Variants in BCKDHB observed in about 807,000 individuals in gnomAD.
The protein encoded by BCKDHB is branched chain keto acid dehydrogenase E1 subunit beta, also known as 2-oxoisovalerate dehydrogenase subunit beta, mitochondrial.
Under a neutral mutation model 48.5 loss-of-function variants are expected in BCKDHB, and 41 were observed. The observed-to-expected ratio is 0.85, with a 90% confidence interval of 0.66 to 1.10. The LOEUF (loss-of-function observed/expected upper bound fraction) is 1.10. Among genes scored for constraint, BCKDHB ranks in the 50% least tolerant of loss-of-function variants. The probability of loss-of-function intolerance (pLI) is 0.00; values close to 1 mark genes in which losing one functional copy is unlikely to be tolerated. For missense variants in BCKDHB, 496 were observed against 494.2 expected (o/e 1.00, Z -0.03); for synonymous variants, 201 against 174.8 (o/e 1.15, Z -1.18).
chr6:80,210,814 C>T (rs1044262055), intron 8 of BCKDHB, among the ~76,000 whole-genome samples: 3 of 152,106 alleles, frequency 2.0e-5, no homozygotes, highest in Non-Finnish European at 2.9e-5. Context: ...TAGGGCTGTT[C>T]TCTCTCAAGC....
intron 8 of BCKDHB, among the ~76,000 whole-genome samples, chr6:80,252,366 CA>C (rs1286008434): frequency 4.6e-5 from 7 of 152,126 alleles, no homozygotes; most frequent in African/African-American, 1.7e-4. Context: ...TCATTTTCAA[CA>C]TTAGCATTTA....
At chr6:80,419,451 G>A in the BCKDHB span, among the ~76,000 whole-genome samples, 1 of 152,136 alleles carries the variant, frequency 6.6e-6, no homozygotes, top group Non-Finnish European at 1.5e-5. Flanking sequence ...TCTCTCATGG[G>A]CAAGGCCACC....
intron 9 of BCKDHB, among the ~76,000 whole-genome samples, chr6:80,315,900 ATAAG>A (rs1471743282): frequency 6.6e-6 from 1 of 152,232 alleles, no homozygotes; most frequent in African/African-American, 2.4e-5. Flanking sequence ...TAAGCACAGA[ATAAG>A]TAACCAATTC....
At chr6:80,136,130 T>C (rs1273975438) in intron 3 of BCKDHB, among the ~76,000 whole-genome samples, 2 of 152,208 alleles carry the variant, frequency 1.3e-5, no homozygotes, top group African/African-American at 4.8e-5. Context: ...CTATAAATAC[T>C]GATGTGCAAA....
chr6:80,169,108 A>G, intron 5 of BCKDHB, 78 bp downstream of exon 5: 3 of 1,535,404 alleles, frequency 2.0e-6, no homozygotes, highest in South Asian at 1.1e-5. Context: ...ATCTATGCTT[A>G]TCTAGAGGAA....
At chr6:80,402,843 C>T in the BCKDHB span, among the ~76,000 whole-genome samples, 1 of 151,722 alleles carries the variant, frequency 6.6e-6, no homozygotes. Context: ...TTTCTCAGCA[C>T]CATTTACTGA....
At chr6:80,140,356 G>A (rs1444347821) in intron 3 of BCKDHB, among the ~76,000 whole-genome samples, 2 of 152,208 alleles carry the variant, frequency 1.3e-5, no homozygotes, top group African/African-American at 4.8e-5. Flanking sequence ...CAGGAGTGGT[G>A]AGAGAGGACA....
rs765181466 is a variant in BCKDHB, at chr6:80,334,894, A to G, written c.1039-8770A>G. On this transcript the variant is annotated intron_variant, in intron 9 of 9. Coordinates refer to ENST00000320393, the MANE Select transcript of BCKDHB (RefSeq NM_183050.4). ...ATTTCAGTCATCATTTTTTATATGT[A>G]TATATATATACTTTTTATTTTGTCT... 2.0e-5 allele frequency among the ~76,000 whole-genome samples: 3 copies of G among 151,770 alleles called. No individual in the cohort carries two copies. In the East Asian group the frequency reaches 5.8e-4, roughly 29 times the overall value.
At chr6:80,357,555 G>C in the BCKDHB span, among the ~76,000 whole-genome samples, 5 of 152,142 alleles carry the variant, frequency 3.3e-5, no homozygotes, top group Non-Finnish European at 7.4e-5. Flanking sequence ...AGAATAACCA[G>C]TACACAGCAC....
chr6:80,162,823 C>A (rs1562098728), intron 3 of BCKDHB, among the ~76,000 whole-genome samples: 1 of 152,130 alleles, frequency 6.6e-6, no homozygotes, highest in Non-Finnish European at 1.5e-5. Flanking sequence ...TGCATTCCAG[C>A]CGGGTGACAG....
At position 80,167,944 on chromosome 6, in the gene BCKDHB, T is replaced by A. The variant is rs923918870; in HGVS notation, c.477+133T>A. ...TACTAATGTATTACAATTATAATTT[T>A]GTTATGAGCATATATTTAAAGATCT... On this transcript the variant is annotated intron_variant, in intron 4 of 9. Coordinates refer to ENST00000320393, the MANE Select transcript of BCKDHB (RefSeq NM_183050.4). The A allele has an allele frequency of 6.9e-6, 7 of 1,008,912 alleles. No homozygotes were observed. The South Asian group carries it at 1.0e-4, about 15-fold the overall frequency. 62.5% of individuals were successfully genotyped at this position (1,008,912 alleles called of 1,614,324 possible). A position where few individuals can be genotyped will look rare whatever the true frequency, so the allele number is the denominator to read the frequency against.
chr6:80,307,308 C>CTAACA (rs1767929985), intron 9 of BCKDHB, among the ~76,000 whole-genome samples: 1 of 152,124 alleles, frequency 6.6e-6, no homozygotes, highest in Admixed American at 6.6e-5. Flanking sequence ...GTTCCATGAG[C>CTAACA]TAACATATAC....
At chr6:80,116,143 C>T (rs1769692412) in intron 1 of BCKDHB, among the ~76,000 whole-genome samples, 1 of 152,124 alleles carries the variant, frequency 6.6e-6, no homozygotes, top group Admixed American at 6.5e-5. Flanking sequence ...GACATTTGCC[C>T]TTTTCCTCAG....
intron 4 of BCKDHB, 25 bp downstream of exon 4, chr6:80,167,836 T>G (rs775794152): frequency 1.9e-6 from 3 of 1,609,362 alleles, no homozygotes; most frequent in South Asian, 1.1e-5. Flanking sequence ...ATTTCTAAGG[T>G]TGTTCATTCA....
intron 8 of BCKDHB, among the ~76,000 whole-genome samples, chr6:80,264,954 G>C (rs529446960): frequency 6.6e-5 from 10 of 152,122 alleles, no homozygotes; most frequent in African/African-American, 2.4e-4. Context: ...TAAGCACCTG[G>C]AAATTGCTTA....
At chr6:80,159,831 A>T (rs1394110644) in intron 3 of BCKDHB, among the ~76,000 whole-genome samples, 1 of 152,200 alleles carries the variant, frequency 6.6e-6, no homozygotes, top group African/African-American at 2.4e-5. Context: ...CTGCTCAGAG[A>T]CTGGGACCTG....
chr6:80,106,895 C>G lies in BCKDHB; in HGVS notation c.196+6C>G, dbSNP rs759818891. The stretch of plus-strand genomic sequence containing the variant: ...TCCGGAGCCCCGGGAGTACGGTGAG[C>G]CCTGGGACTGCCCACTCGGTCCCGC... On this transcript the variant is annotated splice_donor_region_variant and intron_variant, in intron 1 of 9. Transcript: ENST00000320393. 5.0e-6 allele frequency: 8 copies of G among 1,600,898 alleles called. No homozygotes were observed. The South Asian group carries it at 6.7e-5, about 13-fold the overall frequency.
chr6:80,456,861 T>G, the BCKDHB span, among the ~76,000 whole-genome samples: 1 of 152,222 alleles, frequency 6.6e-6, no homozygotes, highest in African/African-American at 2.4e-5. Context: ...GATTCTTCCC[T>G]TCTTAGGACT....
At chr6:80,436,151 T>TTTTC in the BCKDHB span, among the ~76,000 whole-genome samples, 2 of 97,140 alleles carry the variant, frequency 2.1e-5, no homozygotes, top group Non-Finnish European at 3.7e-5. Flanking sequence ...TCTTTTCTTT[T>TTTTC]TTTTTTTTTT....
Sources: allele counts gnomAD v4.1 joint callset (sites outside exome capture counted in the v4.1 genomes callset), GRCh38; gene constraint gnomAD v4.1.1; transcripts MANE v1.5; gene names NCBI Gene and HGNC (gene_info 2026-07-23, HGNC 2026-07-21).